RAB5C: variants seen among roughly 807,000 people sequenced by gnomAD.
RAB5C encodes the protein RAB5C, member RAS oncogene family.
A neutral mutation model predicts 25.2 loss-of-function variants in RAB5C; 4 were observed. The ratio of observed to expected loss-of-function variants is 0.16; its 90% CI spans 0.08 to 0.36. The LOEUF is 0.36. Among genes scored for constraint, RAB5C ranks in the 10% least tolerant of loss-of-function variants. RAB5C has a pLI of 1.00. For synonymous variants in RAB5C, 100 were observed against 106.4 expected, an observed-to-expected ratio of 0.94 and a Z score of 0.37; for missense variants, 199 against 283.8, an observed-to-expected ratio of 0.70 and a Z score of 2.15.
chr17:42,140,658 G>A (rs1414856976), intron 1 of RAB5C, among the ~76,000 whole-genome samples: 1 of 151,020 alleles, frequency 6.6e-6, no homozygotes, highest in African/African-American at 2.4e-5. Flanking sequence ...TGAGTAGCTG[G>A]GATTCCAGGT....
intron 1 of RAB5C, among the ~76,000 whole-genome samples, chr17:42,151,232 C>G (rs1298378223): frequency 6.6e-6 from 1 of 152,120 alleles, no homozygotes; most frequent in Non-Finnish European, 1.5e-5. Context: ...GTCAGGAGAT[C>G]GAGACCATCC....
chr17:42,130,204 G>T, intron 2 of RAB5C, 133 bp downstream of exon 2: 2 of 1,283,062 alleles, frequency 1.6e-6, no homozygotes, highest in East Asian at 2.5e-5. Context: ...CCAGGGCCCA[G>T]GTGAGGAAGT....
chr17:42,126,127 A>AG (rs1321887940), intron 5 of RAB5C, among the ~76,000 whole-genome samples: 1 of 152,142 alleles, frequency 6.6e-6, no homozygotes, highest in Non-Finnish European at 1.5e-5. Flanking sequence ...TCTGCAACCC[A>AG]GGAAGGAAGA....
Position 42,144,500 on chromosome 17 carries a change from C to T in RAB5C, c.-89+10393G>A, listed in dbSNP as rs569022700. Among the ~76,000 whole-genome samples the T allele has an allele frequency of 4.6e-5, 7 of 151,036 alleles. No individual in the cohort carries two copies. The East Asian group carries it at 8.0e-4, about 17-fold the overall frequency. On this transcript the variant is annotated intron_variant, in intron 1 of 5. Coordinates refer to ENST00000346213, the MANE Select transcript of RAB5C (RefSeq NM_004583.4). ...ATAAAAATAAATGGGGGAAAATAGA[C>T]AAGTCTCTCATATAGAAGAATTTAA...
At chr17:42,154,128 G>A (rs1342283206) in intron 1 of RAB5C, among the ~76,000 whole-genome samples, 2 of 152,164 alleles carry the variant, frequency 1.3e-5, no homozygotes, top group Non-Finnish European at 2.9e-5. Context: ...ACAGAGCTGA[G>A]CCTGGAGCAA....
chr17:42,128,819 G>A lies in RAB5C; in HGVS notation c.167-19C>T, dbSNP rs563728350. On this transcript the variant is annotated intron_variant, in intron 2 of 5. Coordinates refer to ENST00000346213, the MANE Select transcript of RAB5C (RefSeq NM_004583.4). ...AAGGCCGCTGTAAGAGAGAAGGAGC[G>A]TCCATGGGCAAGAGCGAGTTGGAAT... 34 of 1,451,952 alleles carry A rather than the reference G, an allele frequency of 2.3e-5. No homozygotes were observed. Among genetic ancestry groups the A allele is most frequent in the African/African-American group, 2.9e-5 (2 of 69,148 alleles). 89.9% of individuals were successfully genotyped at this position (1,451,952 alleles called of 1,614,324 possible). A position where few individuals can be genotyped will look rare whatever the true frequency, so the allele number is the denominator to read the frequency against.
chr17:42,131,944 C>A (rs1171172576), intron 1 of RAB5C: 2 of 206,906 alleles, frequency 9.7e-6, no homozygotes, highest in Non-Finnish European at 2.0e-5. Context: ...GAACACTGTT[C>A]AGCATTTGAA....
In RAB5C at chr17:42,131,749, T is replaced by C. The variant is rs2054488616; in HGVS notation, c.-88-1159A>G. 1.3e-5 allele frequency: 10 copies of C among 787,642 alleles called. No individual in the cohort carries two copies. In the South Asian group the frequency reaches 1.5e-4, roughly 12 times the overall value. The allele number at this position is 787,642 out of a possible 1,614,324, so 48.8% of individuals were successfully genotyped here. A position where few individuals can be genotyped will look rare whatever the true frequency, so the allele number is the denominator to read the frequency against. ...TCTGAATCACTTGGTTAGTGACAGC[T>C]TCAGAGGCTCAACTTTTTGTTTTTG... On this transcript the variant is annotated intron_variant, in intron 1 of 5. Coordinates refer to ENST00000346213, the MANE Select transcript of RAB5C (RefSeq NM_004583.4).
Position 42,125,715 on chromosome 17 carries a change from G to C in RAB5C, c.*68C>G. 1 of 1,157,392 alleles carries C rather than the reference G, an allele frequency of 8.6e-7. No homozygotes were observed. The highest frequency in any genetic ancestry group is 1.2e-6 in the Non-Finnish European group (1 of 800,580). 71.7% of individuals were successfully genotyped at this position (1,157,392 alleles called of 1,614,324 possible). A position where few individuals can be genotyped will look rare whatever the true frequency, so the allele number is the denominator to read the frequency against. The stretch of plus-strand genomic sequence containing the variant: ...GTGGCCCGAGTCGTTAAGTGCGATT[G>C]GTTAGAGTGGATTCCAGTCGGGTCA... On this transcript the variant is annotated 3_prime_UTR_variant, in exon 6 of 6. Coordinates refer to ENST00000346213, the MANE Select transcript of RAB5C (RefSeq NM_004583.4).
chr17:42,145,799 CTTTA>C (rs1459857550), intron 1 of RAB5C, among the ~76,000 whole-genome samples: 1 of 152,146 alleles, frequency 6.6e-6, no homozygotes, highest in Non-Finnish European at 1.5e-5. Flanking sequence ...AAGAGATTCT[CTTTA>C]TTTTTTATTA....
At chr17:42,131,281 C>T (rs548752983) in intron 1 of RAB5C, among the ~76,000 whole-genome samples, 1 of 152,314 alleles carries the variant, frequency 6.6e-6, no homozygotes, top group East Asian at 1.9e-4. Flanking sequence ...TCATCCTGAT[C>T]CTTCTTCCCT....
rs925324512 is a variant in RAB5C, at chr17:42,125,003, T to C, written c.*780A>G. On this transcript the variant is annotated 3_prime_UTR_variant, in exon 6 of 6. Coordinates refer to ENST00000346213, the MANE Select transcript of RAB5C (RefSeq NM_004583.4). ...GTGAGGTCGATCGATCGGCTGACTA[T>C]ATTGACAAGATACTGATTGGTTACA... 2.0e-5 allele frequency: 3 copies of C among 152,766 alleles called. No individual in the cohort carries two copies. Among genetic ancestry groups the C allele is most frequent in the African/African-American group, 7.2e-5 (3 of 41,428 alleles). The allele number at this position is 152,766 out of a possible 1,614,324, so 9.5% of individuals were successfully genotyped here.
chr17:42,148,403 CAAAAAAAA>C (rs71228786), intron 1 of RAB5C, among the ~76,000 whole-genome samples: 2 of 57,396 alleles, frequency 3.5e-5, no homozygotes, highest in African/African-American at 6.6e-5. Flanking sequence ...GACTCCATCT[CAAAAAAAA>C]AAAAAAAAAA....
intron 4 of RAB5C, among the ~76,000 whole-genome samples, chr17:42,127,827 GTTTTT>G (rs34288959): frequency 1.6e-5 from 2 of 121,240 alleles, no homozygotes; most frequent in Non-Finnish European, 1.8e-5. Context: ...ACACCTGGCT[GTTTTT>G]TTTTTTTTTT....
At chr17:42,145,154 T>TG (rs1398791329) in intron 1 of RAB5C, among the ~76,000 whole-genome samples, 1 of 151,176 alleles carries the variant, frequency 6.6e-6, no homozygotes, top group Non-Finnish European at 1.5e-5. Flanking sequence ...GCCTGGGCGA[T>TG]GGAGTGAGAC....
At chr17:42,132,959 G>A (rs567564235) in intron 1 of RAB5C, among the ~76,000 whole-genome samples, 1 of 152,328 alleles carries the variant, frequency 6.6e-6, no homozygotes, top group East Asian at 1.9e-4. Context: ...TGCTGTGGAA[G>A]AACAATGGAG....
At chr17:42,138,370 C>T (rs113105271) in intron 1 of RAB5C, among the ~76,000 whole-genome samples, 2,124 of 152,246 alleles carry the variant, frequency 0.014, 26 homozygotes, top group African/African-American at 0.042. Context: ...GAGATCTAGC[C>T]GAATCCCAAT....
In RAB5C at chr17:42,131,670, G is replaced by T. The variant is rs890815932; in HGVS notation, c.-88-1080C>A. On this transcript the variant is annotated intron_variant, in intron 1 of 5. Transcript: ENST00000346213. ...AGAGAAAGAAGAGGCAGGAGGTGTGGGAGGGCAGAGACCAAGTCCTGCATC... is the reference window on the plus strand; with the variant it reads ...AGAGAAAGAAGAGGCAGGAGGTGTGTGAGGGCAGAGACCAAGTCCTGCATC... 1.1e-5 allele frequency: 16 copies of T among 1,489,924 alleles called. No individual in the cohort carries two copies. The Admixed American group carries it at 3.2e-4, about 29-fold the overall frequency. The allele number at this position is 1,489,924 out of a possible 1,614,324, so 92.3% of individuals were successfully genotyped here. A position where few individuals can be genotyped will look rare whatever the true frequency, so the allele number is the denominator to read the frequency against.
At chr17:42,130,187 C>T in intron 2 of RAB5C, 150 bp downstream of exon 2, 1 of 1,124,478 alleles carries the variant, frequency 8.9e-7, no homozygotes, top group Non-Finnish European at 1.2e-6. Flanking sequence ...AGTTGCTGGG[C>T]TCAATTCCAG....
Sources: allele counts gnomAD v4.1 joint callset (sites outside exome capture counted in the v4.1 genomes callset), GRCh38; gene constraint gnomAD v4.1.1; transcripts MANE v1.5; gene names NCBI Gene and HGNC (gene_info 2026-07-23, HGNC 2026-07-21).